SPOCK1: variants seen among roughly 807,000 people sequenced by gnomAD.
SPOCK1 encodes testican-1.
SPOCK1 carries 23 observed loss-of-function variants against 55.3 expected under a neutral mutation model. The ratio of observed to expected loss-of-function variants is 0.42; its 90% CI spans 0.30 to 0.59. The LOEUF (loss-of-function observed/expected upper bound fraction) is 0.59, where lower values mean the gene tolerates loss of function less well. Among genes scored for constraint, SPOCK1 ranks in the 20% least tolerant of loss-of-function variants. The pLI, the probability that SPOCK1 is intolerant of heterozygous loss-of-function variation, is 0.22. For synonymous variants in SPOCK1, 226 were observed against 221.0 expected (o/e 1.02, Z -0.20); for missense variants, 499 against 552.5 (o/e 0.90, Z 0.97).
chr5:137,288,251 A>ACTGACTTT (rs1757303315), intron 2 of SPOCK1, among the ~76,000 whole-genome samples: 1 of 152,214 alleles, frequency 6.6e-6, no homozygotes, highest in Non-Finnish European at 1.5e-5. Flanking sequence ...GCACACTGCT[A>ACTGACTTT]CTGACTTTTG....
intron 6 of SPOCK1, among the ~76,000 whole-genome samples, chr5:137,065,496 T>C (rs1752489017): frequency 6.6e-6 from 1 of 152,174 alleles, no homozygotes; most frequent in Admixed American, 6.5e-5. Context: ...ACAGACTCAT[T>C]GGTGCAGGCT....
At chr5:137,225,348 A>C (rs1383513148) in intron 3 of SPOCK1, among the ~76,000 whole-genome samples, 1 of 152,198 alleles carries the variant, frequency 6.6e-6, no homozygotes, top group African/African-American at 2.4e-5. Flanking sequence ...CTGTAGAAAT[A>C]AAATAGGATA....
At chr5:137,494,818 A>G (rs181322933) in intron 2 of SPOCK1, among the ~76,000 whole-genome samples, 4 of 152,374 alleles carry the variant, frequency 2.6e-5, no homozygotes, top group Admixed American at 2.6e-4. Flanking sequence ...ATGAAGGTAC[A>G]AATGAACAGA....
chr5:137,153,425 A>G (rs748813986), intron 3 of SPOCK1, among the ~76,000 whole-genome samples: 1 of 152,232 alleles, frequency 6.6e-6, no homozygotes. Flanking sequence ...TCAATTCAAC[A>G]AACATTTATG....
chr5:136,992,606 G>A lies in SPOCK1; in HGVS notation c.590-6C>T. The A allele has an allele frequency of 6.2e-7, 1 of 1,609,210 alleles. No individual in the cohort carries two copies. Among genetic ancestry groups the A allele is most frequent in the Non-Finnish European group, 8.5e-7 (1 of 1,177,584 alleles). ...CAACTCCTTGTCTGTGCAGGCTAGA[G>A]AAAAGCAAACAGAACAGACAATGGG... On this transcript the variant is annotated splice_region_variant and splice_polypyrimidine_tract_variant and intron_variant, in intron 6 of 10. Coordinates refer to ENST00000394945, the MANE Select transcript of SPOCK1 (RefSeq NM_004598.4).
intron 2 of SPOCK1, among the ~76,000 whole-genome samples, chr5:137,408,038 T>C (rs1752137169): frequency 2.0e-5 from 3 of 152,182 alleles, no homozygotes; most frequent in South Asian, 2.1e-4. Context: ...GGACTCTTTG[T>C]AGATGATATT....
intron 2 of SPOCK1, among the ~76,000 whole-genome samples, chr5:137,398,148 T>A (rs371449805): frequency 6.6e-6 from 1 of 151,814 alleles, no homozygotes; most frequent in Non-Finnish European, 1.5e-5. Flanking sequence ...AACACTTCCA[T>A]GAGGCCTGCC....
At chr5:137,160,756 C>T (rs1754539026) in intron 3 of SPOCK1, among the ~76,000 whole-genome samples, 1 of 137,046 alleles carries the variant, frequency 7.3e-6, no homozygotes, top group Non-Finnish European at 1.5e-5. Flanking sequence ...ACAGGGAACA[C>T]TTCTACACTG....
intron 3 of SPOCK1, among the ~76,000 whole-genome samples, chr5:137,162,127 C>T (rs189249967): frequency 4.4e-5 from 6 of 136,064 alleles, no homozygotes; most frequent in Non-Finnish European, 6.2e-5. Context: ...GTCTCTAATG[C>T]TTTCTTTTTT....
intron 2 of SPOCK1, among the ~76,000 whole-genome samples, chr5:137,382,470 C>A (rs1172115764): frequency 6.6e-6 from 1 of 152,134 alleles, no homozygotes; most frequent in Non-Finnish European, 1.5e-5. Context: ...TAAAGAACTA[C>A]CTGAGACTAG....
At chr5:137,464,472 G>T (rs1753558245) in intron 2 of SPOCK1, among the ~76,000 whole-genome samples, 1 of 151,690 alleles carries the variant, frequency 6.6e-6, no homozygotes, top group Middle Eastern at 3.4e-3. Context: ...AAAAAATTAA[G>T]AATATGGAAA....
chr5:137,334,217 C>T (rs1750187912), intron 2 of SPOCK1, among the ~76,000 whole-genome samples: 1 of 152,186 alleles, frequency 6.6e-6, no homozygotes, highest in South Asian at 2.1e-4. Flanking sequence ...CTCCAGCTGA[C>T]AAAGTGTATG....
intron 5 of SPOCK1, among the ~76,000 whole-genome samples, chr5:137,075,650 G>T (rs1752742559): frequency 6.6e-6 from 1 of 152,226 alleles, no homozygotes. Context: ...CTTGGTTTTA[G>T]AGGCAAGGCT....
At chr5:137,459,472 T>C (rs1753435430) in intron 2 of SPOCK1, among the ~76,000 whole-genome samples, 1 of 148,382 alleles carries the variant, frequency 6.7e-6, no homozygotes, top group South Asian at 2.2e-4. Context: ...TTTTAATTCA[T>C]TGCTCACAGC....
intron 2 of SPOCK1, among the ~76,000 whole-genome samples, chr5:137,469,710 C>T (rs1753691908): frequency 6.6e-6 from 1 of 152,196 alleles, no homozygotes; most frequent in Non-Finnish European, 1.5e-5. Context: ...GTGATATACA[C>T]ACCCCGTTCT....
chr5:137,002,137 G>A (rs879367007), intron 6 of SPOCK1, among the ~76,000 whole-genome samples: 3 of 152,062 alleles, frequency 2.0e-5, no homozygotes, highest in Non-Finnish European at 2.9e-5. Context: ...GCAATCTTTG[G>A]AAGAGTTTAA....
At chr5:137,227,111 G>A (rs1755961353) in intron 3 of SPOCK1, among the ~76,000 whole-genome samples, 1 of 152,182 alleles carries the variant, frequency 6.6e-6, no homozygotes, top group Non-Finnish European at 1.5e-5. Flanking sequence ...TGCAAGAAAT[G>A]AAGTTCAAAG....
chr5:137,258,556 G>GA (rs1756684300), intron 3 of SPOCK1, among the ~76,000 whole-genome samples: 2 of 152,198 alleles, frequency 1.3e-5, no homozygotes, highest in African/African-American at 4.8e-5. Flanking sequence ...AAATTCAGCT[G>GA]ACATTTTTTT....
chr5:137,189,526 G>A (rs1755137339), intron 3 of SPOCK1, among the ~76,000 whole-genome samples: 1 of 152,116 alleles, frequency 6.6e-6, no homozygotes, highest in Non-Finnish European at 1.5e-5. Context: ...TAAACTCACG[G>A]TTACGATACC....
Sources: gnomAD v4.1 joint callset for allele counts (sites outside exome capture counted in the v4.1 genomes callset) on GRCh38, gnomAD v4.1.1 for gene constraint, MANE v1.5 for transcripts, NCBI Gene and HGNC (gene_info 2026-07-23, HGNC 2026-07-21) for gene names.